KAT6B: variants seen among roughly 807,000 people sequenced by gnomAD.
KAT6B encodes the protein histone acetyltransferase KAT6B.
In KAT6B, 10 loss-of-function variants were observed where a neutral mutation model predicts 187.5. The observed-to-expected ratio is 0.05, with a 90% CI of 0.03 to 0.09. KAT6B has a LOEUF of 0.09. Ranked by LOEUF, KAT6B falls within the 10% of genes least tolerant of loss-of-function variation. The pLI, the probability that KAT6B is intolerant of heterozygous loss-of-function variation, is 1.00. For synonymous variants in KAT6B, 861 were observed against 926.8 expected (o/e 0.93, Z 1.29); for missense variants, 1,952 against 2,558.9 (o/e 0.76, Z 5.12).
chr10:74,953,629 G>T (rs1840472037), intron 3 of KAT6B, among the ~76,000 whole-genome samples: 1 of 152,182 alleles, frequency 6.6e-6, no homozygotes, highest in Non-Finnish European at 1.5e-5. Flanking sequence ...TCTCATGAAA[G>T]ATGTAGATGA....
At chr10:74,994,408 C>T (rs1374305158) in intron 13 of KAT6B, among the ~76,000 whole-genome samples, 1 of 152,152 alleles carries the variant, frequency 6.6e-6, no homozygotes, top group African/African-American at 2.4e-5. Flanking sequence ...CCAGGTTTAG[C>T]TTATCCTTTT....
chr10:74,939,495 G>A (rs1289948271), intron 3 of KAT6B, among the ~76,000 whole-genome samples: 6 of 152,038 alleles, frequency 3.9e-5, no homozygotes, highest in African/African-American at 1.5e-4. Context: ...CTGCCTCCTG[G>A]GTTCCAATGA....
chr10:74,954,483 A>C (rs1444302580), intron 3 of KAT6B, among the ~76,000 whole-genome samples: 1 of 151,552 alleles, frequency 6.6e-6, no homozygotes, highest in Non-Finnish European at 1.5e-5. Context: ...ATGAAGCGGA[A>C]AAAAAAAAGA....
chr10:74,986,023 C>A lies in KAT6B; in HGVS notation c.2535+782C>A, dbSNP rs540635933. 1.1e-4 allele frequency among the ~76,000 whole-genome samples: 16 copies of A among 152,110 alleles called. No homozygotes were observed. In the South Asian group the frequency reaches 3.4e-3, roughly 32 times the overall value. On this transcript the variant is annotated intron_variant, in intron 12 of 17. Coordinates refer to ENST00000287239, the MANE Select transcript of KAT6B (RefSeq NM_012330.4). ...ATCGCGCCACTGCACTCCAGCCTGG[C>A]AACAGAGGGAGACTCCATCTCAAAA...
At chr10:74,938,106 TG>T (rs1245800067) in intron 3 of KAT6B, among the ~76,000 whole-genome samples, 1 of 152,206 alleles carries the variant, frequency 6.6e-6, no homozygotes, top group African/African-American at 2.4e-5. Context: ...CCGCCTCACC[TG>T]GCTGTTTCGT....
At chr10:75,021,398 T>G in intron 15 of KAT6B, 113 bp downstream of exon 15, 2 of 938,106 alleles carry the variant, frequency 2.1e-6, no homozygotes, top group Non-Finnish European at 3.4e-6. Context: ...AGATAGCATG[T>G]GAAATGATAT....
Position 75,030,123 on chromosome 10 carries a change from G to T in KAT6B, c.5299G>T (p.Ala1767Ser). 6.2e-7 allele frequency: 1 copy of T among 1,614,228 alleles called. No individual in the cohort carries two copies. The highest frequency in any genetic ancestry group is 1.1e-5 in the South Asian group (1 of 91,082). The change falls in exon 18 of 18, where the codon GCT (alanine) becomes TCT (serine). Residue 1767 changes from alanine (A) to serine (S), a missense_variant. Ala to Ser is a moderately conservative substitution (Grantham distance 99). Around this residue, in one of 9 missense-constraint regions of KAT6B, gnomAD observed 358 missense variants for 436.3 expected, o/e 0.82. Coordinates refer to ENST00000287239, the MANE Select transcript of KAT6B (RefSeq NM_012330.4). This position sits in a 1 kb window ranked among gnomAD's most constrained non-coding sequence, Gnocchi z 4.8. ...GCCTCCGAGCAGCAGCCAGCAGCTGGCTCAGTGCAGCATGGCTGCTAACTT... is the reference window on the plus strand; with the variant it reads ...GCCTCCGAGCAGCAGCCAGCAGCTGTCTCAGTGCAGCATGGCTGCTAACTT... The part of the protein sequence containing the change: ...ERPPSSSQQL[A>S]QCSMAANFTP...
intron 10 of KAT6B, among the ~76,000 whole-genome samples, chr10:74,981,049 T>A (rs1400259239): frequency 1.3e-5 from 2 of 152,180 alleles, no homozygotes; most frequent in Non-Finnish European, 2.9e-5. Context: ...ACTAACCATA[T>A]ATAATTGGAA....
chr10:74,958,547 C>T (rs1840848295), intron 3 of KAT6B, among the ~76,000 whole-genome samples: 1 of 152,092 alleles, frequency 6.6e-6, no homozygotes, highest in South Asian at 2.1e-4. Context: ...GTAGTTTTGG[C>T]TGTTGAAAAT....
At chr10:74,921,105 T>TA in intron 3 of KAT6B, among the ~76,000 whole-genome samples, 1 of 145,620 alleles carries the variant, frequency 6.9e-6, no homozygotes, top group African/African-American at 2.7e-5. Flanking sequence ...CACTGTAGTC[T>TA]AAATTTTTTT....
intron 17 of KAT6B, 70 bp from the exon 18 acceptor site, chr10:75,028,419 A>T: frequency 1.2e-6 from 2 of 1,610,318 alleles, no homozygotes; most frequent in Non-Finnish European, 1.7e-6. Context: ...AGAGGAATGA[A>T]TTCAAGTTGC....
Position 75,020,607 on chromosome 10 carries a change from C to A in KAT6B, c.2655C>A (p.Gly885=), listed in dbSNP as rs754877723. The A allele has an allele frequency of 3.7e-6, 6 of 1,614,166 alleles. No homozygotes were observed. The East Asian group carries it at 8.9e-5, about 24-fold the overall frequency. Residue 885 remains glycine (G), a synonymous_variant, in exon 14 of 18, where the codon GGC becomes GGA. Coordinates refer to ENST00000287239, the MANE Select transcript of KAT6B (RefSeq NM_012330.4). ...GCTATTTGCTTTCTAGAAGAGAAGG[C>A]CAAGCAGGGTCTCCTGAAAAGCCTC... ...DFSYLLSRRE[G]QAGSPEKPLS... is the part of the protein sequence containing the mutation.
chr10:74,934,269 G>C (rs1849086797), intron 3 of KAT6B, among the ~76,000 whole-genome samples: 1 of 150,482 alleles, frequency 6.6e-6, no homozygotes, highest in Admixed American at 6.6e-5. Context: ...CTATTAGAAT[G>C]AGTCACTACC....
intron 3 of KAT6B, among the ~76,000 whole-genome samples, chr10:74,933,738 A>G (rs1849039904): frequency 6.6e-6 from 1 of 152,184 alleles, no homozygotes. Context: ...GAGGATAACA[A>G]TGGCTTAATG....
rs369614772 is a variant in KAT6B, at chr10:74,979,603, T to C, written c.2231+264T>C. On this transcript the variant is annotated intron_variant, in intron 10 of 17. Transcript: ENST00000287239. ...GATTGTGCTTTCTTTCCTTGGTTAATTGGGGAAATGTTGGTTTTGTATGAA... is the reference window on the plus strand; with the variant it reads ...GATTGTGCTTTCTTTCCTTGGTTAACTGGGGAAATGTTGGTTTTGTATGAA... Among the ~76,000 whole-genome samples the C allele has an allele frequency of 2.8e-4, 43 of 152,022 alleles. 1 individual carries two copies. In the South Asian group the frequency reaches 8.1e-3, roughly 29 times the overall value.
Position 74,975,623 on chromosome 10 carries a change from A to G in KAT6B, c.1286A>G (p.Lys429Arg). 1.2e-6 allele frequency: 2 copies of G among 1,614,164 alleles called. No homozygotes were observed. The highest frequency in any genetic ancestry group is 8.5e-7 in the Non-Finnish European group (1 of 1,180,034). ...YISASTLKVN[K>R]KTKGLIDGLT... ...TCTGCCTCTACACTTAAAGTTAACAAGAAAACCAAAGGGCTCATTGATGGC... is the reference window on the plus strand; with the variant it reads ...TCTGCCTCTACACTTAAAGTTAACAGGAAAACCAAAGGGCTCATTGATGGC... The change falls in exon 8 of 18, where the codon AAG becomes AGG. Residue 429 changes from lysine to arginine, a missense_variant. By Grantham distance (26) the Lys-to-Arg change is conservative. Around this residue, in one of 9 missense-constraint regions of KAT6B, gnomAD observed 417 missense variants for 508.9 expected, o/e 0.82. Transcript: ENST00000287239.
intron 13 of KAT6B, among the ~76,000 whole-genome samples, chr10:75,013,671 A>G (rs1274710930): frequency 6.6e-6 from 1 of 152,188 alleles, no homozygotes; most frequent in African/African-American, 2.4e-5. Flanking sequence ...CATAGCTAAC[A>G]CTTATTAGGA....
chr10:75,003,775 CTCAGTGATTTAT>C (rs1394760965), intron 13 of KAT6B, among the ~76,000 whole-genome samples: 3 of 152,110 alleles, frequency 2.0e-5, no homozygotes, highest in African/African-American at 7.2e-5. Context: ...AAATTGAGCT[CTCAGTGATTTAT>C]TCAGAGGTTG....
At chr10:74,861,795 T>A (rs776419678) in intron 3 of KAT6B, among the ~76,000 whole-genome samples, 1 of 152,228 alleles carries the variant, frequency 6.6e-6, no homozygotes, top group Non-Finnish European at 1.5e-5. Flanking sequence ...TTAAAATTTA[T>A]AATATGATAT....
Sources: allele counts gnomAD v4.1 joint callset (sites outside exome capture counted in the v4.1 genomes callset), GRCh38; gene constraint gnomAD v4.1.1; regional missense constraint gnomAD v4.1.1; non-coding constraint Gnocchi (gnomAD v3.1); transcripts MANE v1.5; gene names NCBI Gene and HGNC (gene_info 2026-07-23, HGNC 2026-07-21).